SPINK2: variants seen among roughly 807,000 people sequenced by gnomAD.
SPINK2 encodes serine peptidase inhibitor Kazal type 2, also known as serine protease inhibitor Kazal-type 2.
Under a neutral mutation model 13.5 loss-of-function variants are expected in SPINK2, and 8 were observed. The ratio of observed to expected loss-of-function variants is 0.59; its 90% CI spans 0.35 to 1.07. The LOEUF (loss-of-function observed/expected upper bound fraction) is 1.07, where lower values mean the gene tolerates loss of function less well. SPINK2 is among the 50% of genes least tolerant of loss of function. The pLI is 0.02. For synonymous variants in SPINK2, 76 were observed against 74.7 expected (o/e 1.02, Z -0.09); for missense variants, 148 against 180.3 (o/e 0.82, Z 1.03).
At chr4:56,821,341 G>A in intron 1 of SPINK2, 117 bp downstream of exon 1, 1 of 1,399,862 alleles carries the variant, frequency 7.1e-7, no homozygotes. Context: ...CTTTAACAGA[G>A]AAAGCGCTCT....
Position 56,810,009 on chromosome 4 carries a change from T to G in SPINK2, c.*130A>C. 1 of 1,521,192 alleles carries G rather than the reference T, an allele frequency of 6.6e-7. No homozygotes were observed. Among genetic ancestry groups the G allele is most frequent in the Non-Finnish European group, 8.8e-7 (1 of 1,139,962 alleles). The allele number at this position is 1,521,192 out of a possible 1,614,324, so 94.2% of individuals were successfully genotyped here. ...ACTACACATGGCTGTCTTCCATACC[T>G]GCTCTCAGAAAATGTGTGTTAACAA... On this transcript the variant is annotated 3_prime_UTR_variant, in exon 4 of 4. Coordinates refer to ENST00000506738, the MANE Select transcript of SPINK2 (RefSeq NM_001271718.2).
intron 2 of SPINK2, among the ~76,000 whole-genome samples, chr4:56,813,954 C>A (rs1717214566): frequency 8.3e-6 from 1 of 119,872 alleles, no homozygotes; most frequent in South Asian, 3.1e-4. Context: ...GACAAAGTCT[C>A]ACTCTGTCGC....
chr4:56,817,621 C>T (rs948653208), intron 2 of SPINK2, among the ~76,000 whole-genome samples: 2 of 96,510 alleles, frequency 2.1e-5, no homozygotes, highest in Non-Finnish European at 3.9e-5. Flanking sequence ...GAGGCCGAGG[C>T]GGGCAGATGA....
intron 2 of SPINK2, among the ~76,000 whole-genome samples, chr4:56,812,367 C>T (rs978742953): frequency 1.3e-5 from 2 of 150,846 alleles, no homozygotes; most frequent in Non-Finnish European, 3.0e-5. Context: ...CCAGTCTGAC[C>T]AACATGGAGA....
intron 1 of SPINK2, chr4:56,821,228 G>T: frequency 2.4e-6 from 2 of 846,482 alleles, no homozygotes; most frequent in Non-Finnish European, 2.8e-6. Context: ...TTGGACTAAA[G>T]CCCCTTTCTC....
intron 2 of SPINK2, among the ~76,000 whole-genome samples, chr4:56,817,016 A>T (rs903341737): frequency 2.0e-5 from 3 of 152,100 alleles, no homozygotes; most frequent in African/African-American, 7.2e-5. Flanking sequence ...AGCCTGACCA[A>T]CATGGTAAAA....
chr4:56,810,274 A>G lies in SPINK2; in HGVS notation c.360-90T>C, dbSNP rs139631099. 46 of 1,048,524 alleles carry G rather than the reference A, an allele frequency of 4.4e-5. No homozygotes were observed. The East Asian group carries it at 1.1e-3, about 26-fold the overall frequency. The allele number at this position is 1,048,524 out of a possible 1,614,324, so 65.0% of individuals were successfully genotyped here. A position where few individuals can be genotyped will look rare whatever the true frequency, so the allele number is the denominator to read the frequency against. ...GTGTTAAAAAGACCCATGTAGATAG[A>G]TATATATTAGATTCCTTCCACAGCT... On this transcript the variant is annotated intron_variant, in intron 3 of 3. Transcript: ENST00000506738.
At chr4:56,814,980 A>AGC (rs1553894672) in intron 2 of SPINK2, among the ~76,000 whole-genome samples, 1 of 137,990 alleles carries the variant, frequency 7.2e-6, no homozygotes, top group Admixed American at 7.7e-5. Flanking sequence ...AAAAAAAAAA[A>AGC]AAACAAAGGC....
intron 2 of SPINK2, among the ~76,000 whole-genome samples, chr4:56,813,105 T>A (rs1362696143): frequency 6.6e-6 from 1 of 152,176 alleles, no homozygotes; most frequent in African/African-American, 2.4e-5. Flanking sequence ...GTGGATCACC[T>A]GAGGTCAGGA....
intron 2 of SPINK2, 39 bp downstream of exon 2, chr4:56,820,487 TTGGGCTTCAC>T: frequency 6.6e-7 from 1 of 1,504,926 alleles, no homozygotes; most frequent in Middle Eastern, 1.9e-4. Context: ...CCAAACGGTT[TTGGGCTTCAC>T]TGTATTAGTA....
intron 3 of SPINK2, among the ~76,000 whole-genome samples, chr4:56,811,117 T>C (rs1006249687): frequency 1.3e-5 from 2 of 152,184 alleles, no homozygotes; most frequent in South Asian, 2.1e-4. Flanking sequence ...TTTTAGGAAA[T>C]TTCACATTTG....
Position 56,820,566 on chromosome 4 carries a change from A to G in SPINK2, c.219T>C (p.Pro73=). ...TATATTTTGAAAACAGACCAAATTGAGGGATCAGAGAGGCTGTAAGAAGAA... is the reference window on the plus strand; with the variant it reads ...TATATTTTGAAAACAGACCAAATTGGGGGATCAGAGAGGCTGTAAGAAGAA... ...SPEDLPASLI[P]QFGLFSKYRT... is the part of the protein sequence containing the mutation. Residue 73 remains proline (P), a synonymous_variant, in exon 2 of 4, where the codon CCT becomes CCC. Transcript: ENST00000506738. The G allele has an allele frequency of 6.2e-7, 1 of 1,610,318 alleles. No homozygotes were observed. Among genetic ancestry groups the G allele is most frequent in the Non-Finnish European group, 8.5e-7 (1 of 1,177,214 alleles).
At position 56,810,085 on chromosome 4, in the gene SPINK2, T is replaced by A. The variant is rs1429732046; in HGVS notation, c.*54A>T. 6.4e-7 allele frequency: 1 copy of A among 1,562,830 alleles called. No homozygotes were observed. The highest frequency in any genetic ancestry group is 1.4e-5 in the African/African-American group (1 of 73,308). On this transcript the variant is annotated 3_prime_UTR_variant, in exon 4 of 4. Transcript: ENST00000506738. ...AGAGAAAAAGGGGAAATGCAATTTA[T>A]CTAGTCTGCCAGTGAAGGTGGTCTC... is the stretch of plus-strand genomic sequence containing the variant.
chr4:56,821,390 G>C (rs1717920619), intron 1 of SPINK2, 68 bp downstream of exon 1: 1 of 1,431,212 alleles, frequency 7.0e-7, no homozygotes, highest in Non-Finnish European at 9.1e-7. Flanking sequence ...CGAAGCCCAA[G>C]CAAGAACTAA....
chr4:56,815,839 C>T (rs534170132), intron 2 of SPINK2, among the ~76,000 whole-genome samples: 2 of 151,732 alleles, frequency 1.3e-5, no homozygotes, highest in South Asian at 4.2e-4. Context: ...TATGGTGGCT[C>T]ATTCCTGTAA....
At chr4:56,811,607 ACT>A (rs1716980885) in intron 3 of SPINK2, 76 bp downstream of exon 3, 6 of 937,788 alleles carry the variant, frequency 6.4e-6, no homozygotes, top group African/African-American at 1.7e-5. Context: ...ACAGAGTGAG[ACT>A]CTGTCAAAAA....
At chr4:56,819,100 T>C (rs1260924178) in intron 2 of SPINK2, among the ~76,000 whole-genome samples, 1 of 152,162 alleles carries the variant, frequency 6.6e-6, no homozygotes, top group East Asian at 1.9e-4. Context: ...CTCACAGTAC[T>C]GTGAAAGATG....
intron 2 of SPINK2, among the ~76,000 whole-genome samples, chr4:56,816,012 A>G (rs1717418216): frequency 6.6e-6 from 1 of 152,080 alleles, no homozygotes; most frequent in Non-Finnish European, 1.5e-5. Context: ...ATGAGGCAGA[A>G]GGATCACTGG....
upstream of SPINK2, chr4:56,821,765 G>GGGAAGGGGCGGGGGAAGGGGTGGA: frequency 8.2e-7 from 1 of 1,218,522 alleles, no homozygotes. Flanking sequence ...GAAGGGGCGG[G>GGGAAGGGGCGGGGGAAGGGGTGGA]GCGAGAATGG....
Sources: allele counts gnomAD v4.1 joint callset (sites outside exome capture counted in the v4.1 genomes callset), GRCh38; gene constraint gnomAD v4.1.1; transcripts MANE v1.5; gene names NCBI Gene and HGNC (gene_info 2026-07-23, HGNC 2026-07-21).